The following UQCC2 variants were observed in gnomAD, a reference collection of about 807,000 sequenced individuals.
The protein encoded by UQCC2 is ubiquinol-cytochrome c reductase complex assembly factor 2, also known as breast cancer-associated protein SGA-81M.
In UQCC2, 21 loss-of-function variants were observed where a neutral mutation model predicts 19.9. That is an observed-to-expected ratio of 1.05 (90% CI 0.75 to 1.52). The LOEUF is 1.52. UQCC2 is among the 40% of genes most tolerant of loss of function. UQCC2 has a pLI of 0.00. For missense variants in UQCC2, 135 were observed against 157.5 expected (o/e 0.86, Z 0.76); for synonymous variants, 57 against 60.9 (o/e 0.94, Z 0.30).
At chr6:33,706,251 AG>A (rs569060192) in intron 1 of UQCC2, among the ~76,000 whole-genome samples, 20 of 152,260 alleles carry the variant, frequency 1.3e-4, no homozygotes, top group Non-Finnish European at 2.6e-4. Context: ...CTATAAAAAA[AG>A]GTTTTCAAGA....
chr6:33,702,029 C>T (rs189006825), intron 1 of UQCC2, among the ~76,000 whole-genome samples: 1 of 152,068 alleles, frequency 6.6e-6, no homozygotes, highest in East Asian at 1.9e-4. Context: ...TTTTTTGAGA[C>T]AGTCTCTCAC....
At chr6:33,708,575 C>A (rs1000611937) in intron 1 of UQCC2, among the ~76,000 whole-genome samples, 4 of 152,076 alleles carry the variant, frequency 2.6e-5, no homozygotes, top group Admixed American at 2.0e-4. Context: ...CTCTCCTCTA[C>A]GGAAATGGAA....
chr6:33,706,991 A>G (rs890515556), intron 1 of UQCC2, among the ~76,000 whole-genome samples: 1 of 152,344 alleles, frequency 6.6e-6, no homozygotes, highest in South Asian at 2.1e-4. Context: ...AGGTCTCACA[A>G]AGTTGCCTGC....
chr6:33,709,469 T>TAA (rs35599489), intron 1 of UQCC2, among the ~76,000 whole-genome samples: 1 of 151,950 alleles, frequency 6.6e-6, no homozygotes, highest in Non-Finnish European at 1.5e-5. Flanking sequence ...GAGGGAAAGA[T>TAA]AAAAATGGCA....
At position 33,696,831 on chromosome 6, in the gene UQCC2, C is replaced by G. The variant is rs754405; in HGVS notation, c.*822G>C. On this transcript the variant is annotated 3_prime_UTR_variant, in exon 4 of 4. Coordinates refer to ENST00000607484, the MANE Select transcript of UQCC2 (RefSeq NM_032340.4). ...ACATCCTGAGGAGTCTAGACACAGA[C>G]GAGGTTAAGAACCCACTTCCACTTT... The G allele has an allele frequency of 6.6e-6, 1 of 152,226 alleles. No individual in the cohort carries two copies. The highest frequency in any genetic ancestry group is 2.4e-5 in the African/African-American group (1 of 41,452). The allele number at this position is 152,226 out of a possible 1,614,324, so 9.4% of individuals were successfully genotyped here.
chr6:33,703,274 C>G lies in UQCC2; in HGVS notation c.139-1854G>C, dbSNP rs574562676. ...CCCCTCCTGGGTTCAAGTGATTCTC[C>G]TGCTTCAGCCTCCCAAGTAGCTGGG... On this transcript the variant is annotated intron_variant, in intron 1 of 3. Coordinates refer to ENST00000607484, the MANE Select transcript of UQCC2 (RefSeq NM_032340.4). Among the ~76,000 whole-genome samples, 3 of 152,306 alleles carry G rather than the reference C, an allele frequency of 2.0e-5. No individual in the cohort carries two copies. In the South Asian group the frequency reaches 6.2e-4, roughly 32 times the overall value.
At chr6:33,708,865 A>G (rs552172783) in intron 1 of UQCC2, among the ~76,000 whole-genome samples, 2 of 152,320 alleles carry the variant, frequency 1.3e-5, no homozygotes, top group South Asian at 2.1e-4. Flanking sequence ...GTGCATTCTC[A>G]GGTGACATTA....
Position 33,697,503 on chromosome 6 carries a change from A to T in UQCC2, c.*150T>A, listed in dbSNP as rs1401494294. The T allele has an allele frequency of 1.6e-6, 1 of 610,616 alleles. No homozygotes were observed. Among genetic ancestry groups the T allele is most frequent in the Non-Finnish European group, 2.8e-6 (1 of 355,044 alleles). 37.8% of individuals were successfully genotyped at this position (610,616 alleles called of 1,614,324 possible). On this transcript the variant is annotated 3_prime_UTR_variant, in exon 4 of 4. Coordinates refer to ENST00000607484, the MANE Select transcript of UQCC2 (RefSeq NM_032340.4). ...AATCACCATCCCTTCTCAGGCTGAA[A>T]CTTTCTTTAGAGCAGCAAGGGCTTC...
At chr6:33,708,098 C>T (rs1478219234) in intron 1 of UQCC2, among the ~76,000 whole-genome samples, 1 of 152,256 alleles carries the variant, frequency 6.6e-6, no homozygotes, top group African/African-American at 2.4e-5. Context: ...TGGTGTCCCA[C>T]CCAGGACCAT....
In UQCC2 at chr6:33,697,683, G is replaced by A. The variant is rs1187367863; in HGVS notation, c.351C>T (p.Pro117=). ...CCTTATGATCCTCCTCAGGACCCTT[G>A]GGGGCAAACTTCTCCTGCAGTTTCT... is the stretch of plus-strand genomic sequence containing the variant. ...MWKKLQEKFA[P]KGPEEDHKA The change falls in exon 4 of 4, where the codon CCC becomes CCT. Residue 117 remains proline (P), a synonymous_variant. Coordinates refer to ENST00000607484, the MANE Select transcript of UQCC2 (RefSeq NM_032340.4). 1 of 1,613,964 alleles carries A rather than the reference G, an allele frequency of 6.2e-7. No individual in the cohort carries two copies. Among genetic ancestry groups the A allele is most frequent in the South Asian group, 1.1e-5 (1 of 91,072 alleles).
intron 1 of UQCC2, among the ~76,000 whole-genome samples, chr6:33,705,536 G>C (rs1390959722): frequency 6.6e-6 from 1 of 152,156 alleles, no homozygotes; most frequent in Non-Finnish European, 1.5e-5. Context: ...TTTGAGACAT[G>C]CCCATTTCTA....
chr6:33,707,179 G>C (rs909368438), intron 1 of UQCC2, among the ~76,000 whole-genome samples: 2 of 152,200 alleles, frequency 1.3e-5, no homozygotes, highest in Non-Finnish European at 2.9e-5. Context: ...ATTCAGAATT[G>C]GGAGAGAAAA....
intron 1 of UQCC2, among the ~76,000 whole-genome samples, chr6:33,704,783 C>A (rs931179984): frequency 1.3e-5 from 2 of 152,152 alleles, no homozygotes; most frequent in Non-Finnish European, 2.9e-5. Flanking sequence ...CTCAAGTTCC[C>A]TTCCTGCTCC....
At chr6:33,705,758 T>C (rs1252953884) in intron 1 of UQCC2, among the ~76,000 whole-genome samples, 2 of 152,232 alleles carry the variant, frequency 1.3e-5, no homozygotes, top group Non-Finnish European at 2.9e-5. Context: ...AGCTCTGAAA[T>C]GCAGTTTTTC....
At chr6:33,699,848 T>C (rs988478338) in intron 3 of UQCC2, among the ~76,000 whole-genome samples, 1 of 152,218 alleles carries the variant, frequency 6.6e-6, no homozygotes, top group Non-Finnish European at 1.5e-5. Flanking sequence ...AAAATAGTAA[T>C]TTTCCAGTAC....
intron 1 of UQCC2, among the ~76,000 whole-genome samples, chr6:33,708,381 A>T (rs1175246681): frequency 6.7e-6 from 1 of 149,818 alleles, no homozygotes; most frequent in African/African-American, 2.4e-5. Context: ...ATGGCTACGG[A>T]ACCCCCAGTG....
chr6:33,708,701 C>T (rs1387134265), intron 1 of UQCC2, among the ~76,000 whole-genome samples: 2 of 152,180 alleles, frequency 1.3e-5, no homozygotes, highest in African/African-American at 4.8e-5. Flanking sequence ...CTCCTGCTGC[C>T]AGTTTAATGA....
intron 3 of UQCC2, chr6:33,698,005 G>A (rs1765588197): frequency 1.8e-5 from 9 of 500,504 alleles, no homozygotes; most frequent in South Asian, 4.8e-5. Context: ...CCTCACCCTC[G>A]GCATCAAAGC....
chr6:33,701,798 G>A (rs1010271302), intron 1 of UQCC2, among the ~76,000 whole-genome samples: 1 of 151,852 alleles, frequency 6.6e-6, no homozygotes, highest in Non-Finnish European at 1.5e-5. Flanking sequence ...GGGCTACAGG[G>A]ACTCAGTGGG....
Sources: gnomAD v4.1 joint callset for allele counts (sites outside exome capture counted in the v4.1 genomes callset) on GRCh38, gnomAD v4.1.1 for gene constraint, MANE v1.5 for transcripts, NCBI Gene and HGNC (gene_info 2026-07-23, HGNC 2026-07-21) for gene names.